The following NDRG3 variants were observed in gnomAD, a reference collection of about 807,000 sequenced individuals.
The protein encoded by NDRG3 is protein NDRG3.
NDRG3 carries 23 observed loss-of-function variants against 57.2 expected under a neutral mutation model. That is an observed-to-expected ratio of 0.40 (90% CI 0.29 to 0.57). The LOEUF is 0.57. NDRG3 is among the 20% of genes least tolerant of loss of function. The probability of loss-of-function intolerance (pLI) is 0.42; values close to 1 mark genes in which losing one functional copy is unlikely to be tolerated. For missense variants in NDRG3, 384 were observed against 457.3 expected (o/e 0.84, Z 1.46); for synonymous variants, 132 against 162.6 (o/e 0.81, Z 1.43).
intron 3 of NDRG3, 122 bp downstream of exon 3, chr20:36,706,850 G>A (rs942788330): frequency 1.0e-5 from 8 of 782,738 alleles, no homozygotes; most frequent in South Asian, 4.1e-5. Flanking sequence ...ATGACCAAAC[G>A]AACATTAAGG....
At chr20:36,744,875 C>T (rs1011717889) in intron 1 of NDRG3, among the ~76,000 whole-genome samples, 7 of 151,774 alleles carry the variant, frequency 4.6e-5, no homozygotes, top group African/African-American at 1.7e-4. Context: ...TCTGTCACCT[C>T]CAAGTCCAGC....
rs776941520 is a variant in NDRG3 at position 36,665,048 on chromosome 20, C to T, written c.808G>A (p.Val270Met). Residue 270 changes from valine to methionine, a missense_variant and splice_region_variant, in exon 12 of 16, where the codon GTG (valine) becomes ATG (methionine). Coordinates refer to ENST00000349004, the MANE Select transcript of NDRG3 (RefSeq NM_032013.4). ...VGDNSPAVEA[V>M]VECNSRLNPI... Reference sequence around the variant, plus strand: ...TCACAGCATGAGGACATACTTACCACAGCCTCAACTGCAGGCGAATTGTCC... The same window carrying T: ...TCACAGCATGAGGACATACTTACCATAGCCTCAACTGCAGGCGAATTGTCC... The T allele has an allele frequency of 1.9e-6, 3 of 1,613,942 alleles. No homozygotes were observed. The highest frequency in any genetic ancestry group is 3.3e-5 in the Admixed American group (2 of 59,998).
At chr20:36,692,287 G>GAT (rs1872439875) in intron 3 of NDRG3, among the ~76,000 whole-genome samples, 2 of 152,072 alleles carry the variant, frequency 1.3e-5, no homozygotes, top group Admixed American at 1.3e-4. Context: ...GCAGTGGCAC[G>GAT]ATCTCAGCTC....
intron 2 of NDRG3, among the ~76,000 whole-genome samples, chr20:36,711,155 G>A (rs919492461): frequency 1.3e-5 from 2 of 149,042 alleles, no homozygotes; most frequent in Non-Finnish European, 3.0e-5. Context: ...GGTGGCAGGC[G>A]CCTGTAGTCC....
intron 8 of NDRG3, among the ~76,000 whole-genome samples, chr20:36,674,525 C>A (rs966619872): frequency 1.3e-5 from 2 of 148,988 alleles, no homozygotes; most frequent in African/African-American, 4.9e-5. Context: ...TTTTAAGGAT[C>A]ACTAACTACC....
At chr20:36,689,602 A>G (rs1414393312) in intron 3 of NDRG3, among the ~76,000 whole-genome samples, 1 of 152,016 alleles carries the variant, frequency 6.6e-6, no homozygotes, top group African/African-American at 2.4e-5. Flanking sequence ...CACACGTTAC[A>G]GGGGTGGATC....
At chr20:36,726,471 T>C (rs1479368745) in intron 1 of NDRG3, among the ~76,000 whole-genome samples, 2 of 152,302 alleles carry the variant, frequency 1.3e-5, no homozygotes, top group African/African-American at 4.8e-5. Flanking sequence ...TGCTCCGCTT[T>C]CAATGTCTCA....
chr20:36,666,506 T>C lies in NDRG3; in HGVS notation c.589-114A>G, dbSNP rs1600862391. On this transcript the variant is annotated intron_variant, in intron 9 of 15. Transcript: ENST00000349004. ...AAATCGTGCGGCTCATGATGGGAAC[T>C]GGGGCAGAGCCTGGGGACTACTGAT... 8.2e-6 allele frequency: 6 copies of C among 729,602 alleles called. No individual in the cohort carries two copies. In the East Asian group the frequency reaches 1.6e-4, roughly 19 times the overall value. 45.2% of individuals were successfully genotyped at this position (729,602 alleles called of 1,614,324 possible). A position where few individuals can be genotyped will look rare whatever the true frequency, so the allele number is the denominator to read the frequency against.
chr20:36,697,376 T>C (rs968555602), intron 3 of NDRG3, among the ~76,000 whole-genome samples: 7 of 152,134 alleles, frequency 4.6e-5, no homozygotes, highest in Non-Finnish European at 7.4e-5. Flanking sequence ...TGGCAGGTTT[T>C]TTCCCCCCCA....
At chr20:36,664,974 C>A in intron 12 of NDRG3, 72 bp downstream of exon 12, 1 of 1,447,774 alleles carries the variant, frequency 6.9e-7, no homozygotes, top group Non-Finnish European at 9.7e-7. Flanking sequence ...CAGGCGTGAG[C>A]CACTGCACCT....
intron 10 of NDRG3, 67 bp downstream of exon 10, chr20:36,666,222 C>T (rs1979620041): frequency 8.2e-7 from 1 of 1,214,668 alleles, no homozygotes; most frequent in African/African-American, 1.5e-5. Context: ...AGTCCTCTCT[C>T]CTTCTCCCAC....
chr20:36,659,753 A>C (rs1978994053), intron 13 of NDRG3, among the ~76,000 whole-genome samples: 1 of 151,808 alleles, frequency 6.6e-6, no homozygotes, highest in Non-Finnish European at 1.5e-5. Flanking sequence ...GGCGTGGGCC[A>C]CCATGCCCAG....
intron 1 of NDRG3, among the ~76,000 whole-genome samples, chr20:36,737,324 A>T (rs1985659980): frequency 6.6e-6 from 1 of 152,142 alleles, no homozygotes; most frequent in Non-Finnish European, 1.5e-5. Flanking sequence ...TACCACCAGC[A>T]AAGCCCTGGG....
At chr20:36,744,005 A>T (rs1986059154) in intron 1 of NDRG3, among the ~76,000 whole-genome samples, 1 of 127,058 alleles carries the variant, frequency 7.9e-6, no homozygotes, top group Non-Finnish European at 1.6e-5. Context: ...GGTTCACGCC[A>T]TTCTCCTGCC....
At chr20:36,734,957 T>C (rs1229739358) in intron 1 of NDRG3, among the ~76,000 whole-genome samples, 1 of 151,748 alleles carries the variant, frequency 6.6e-6, no homozygotes, top group Non-Finnish European at 1.5e-5. Context: ...CCTTGAGAAA[T>C]AGATAAAATT....
chr20:36,736,875 G>A (rs1190477868), intron 1 of NDRG3, among the ~76,000 whole-genome samples: 7 of 152,128 alleles, frequency 4.6e-5, no homozygotes, highest in African/African-American at 1.7e-4. Flanking sequence ...ATCAAAGGCA[G>A]CTACTTAAGT....
At chr20:36,681,088 T>C (rs1404620454) in intron 7 of NDRG3, among the ~76,000 whole-genome samples, 186 bp from the exon 8 acceptor site, 1 of 152,158 alleles carries the variant, frequency 6.6e-6, no homozygotes, top group Non-Finnish European at 1.5e-5. Flanking sequence ...TGGAAACCAG[T>C]TTCTGGTTTT....
chr20:36,688,853 T>C, intron 3 of NDRG3, 69 bp from the exon 4 acceptor site: 1 of 1,036,650 alleles, frequency 9.6e-7, no homozygotes, highest in East Asian at 2.4e-5. Context: ...AGTTTCACAA[T>C]ACCTGCTTTA....
intron 6 of NDRG3, among the ~76,000 whole-genome samples, chr20:36,683,467 A>T (rs1356005645): frequency 6.6e-6 from 1 of 151,712 alleles, no homozygotes; most frequent in African/African-American, 2.4e-5. Flanking sequence ...TACAAAAAAA[A>T]TTAGCCAGGC....
Sources: gnomAD v4.1 joint callset for allele counts (sites outside exome capture counted in the v4.1 genomes callset) on GRCh38, gnomAD v4.1.1 for gene constraint, MANE v1.5 for transcripts, NCBI Gene and HGNC (gene_info 2026-07-23, HGNC 2026-07-21) for gene names.